The following CORO2A variants were observed in gnomAD, a reference collection of about 807,000 sequenced individuals.
The protein encoded by CORO2A is coronin 2A.
In CORO2A, 47 loss-of-function variants were observed where a neutral mutation model predicts 62.4. That is an observed-to-expected ratio of 0.75 (90% CI 0.60 to 0.96). CORO2A has a LOEUF of 0.96. Among genes scored for constraint, CORO2A ranks in the 40% least tolerant of loss-of-function variants. The probability of loss-of-function intolerance (pLI) is 0.00; values close to 1 mark genes in which losing one functional copy is unlikely to be tolerated. For synonymous variants in CORO2A, 273 were observed against 268.9 expected (o/e 1.02, Z -0.15); for missense variants, 610 against 684.1 (o/e 0.89, Z 1.21).
At position 98,131,054 on chromosome 9, in the gene CORO2A, G is replaced by A. The variant is rs1827399029; in HGVS notation, c.771C>T (p.Asn257=). The part of the protein sequence containing the change: ...NRQVALWDQD[N]LSVPLMEEDL... ...CCTCCTCCATCAGAGGCACAGAGAG[G>A]TTATCCTGCAGGGGAAGGGGAGGCA... The change falls in exon 7 of 12, where the codon AAC becomes AAT. Residue 257 remains asparagine, a synonymous_variant. Transcript: ENST00000375077. 1 of 1,611,238 alleles carries A rather than the reference G, an allele frequency of 6.2e-7. No homozygotes were observed. The highest frequency in any genetic ancestry group is 8.5e-7 in the Non-Finnish European group (1 of 1,178,596).
intron 1 of CORO2A, among the ~76,000 whole-genome samples, chr9:98,171,171 G>A (rs767191835): frequency 2.6e-5 from 4 of 152,176 alleles, no homozygotes; most frequent in African/African-American, 9.7e-5. Context: ...CCGCTTTCTG[G>A]CACAGAGCTT....
intron 2 of CORO2A, among the ~76,000 whole-genome samples, chr9:98,138,687 C>T (rs1827523170): frequency 6.6e-6 from 1 of 152,226 alleles, no homozygotes; most frequent in African/African-American, 2.4e-5. Context: ...GATGTGGTTT[C>T]ATTGCCTGAG....
Position 98,133,259 on chromosome 9 carries a change from G to A in CORO2A, c.469-42C>T, listed in dbSNP as rs200053037. 53 of 1,593,070 alleles carry A rather than the reference G, an allele frequency of 3.3e-5. No individual in the cohort carries two copies. In the East Asian group the frequency reaches 4.2e-4, roughly 13 times the overall value. On this transcript the variant is annotated intron_variant, in intron 4 of 11. Coordinates refer to ENST00000375077, the MANE Select transcript of CORO2A (RefSeq NM_052820.4). ...CAGCTCTGAGCACAGGGGCCACCTT[G>A]CCCCTGGGCCTCATAGTTACATGCT...
intron 7 of CORO2A, 104 bp from the exon 8 acceptor site, chr9:98,129,994 C>T (rs1248777061): frequency 1.4e-5 from 11 of 786,446 alleles, no homozygotes; most frequent in African/African-American, 3.4e-5. Context: ...TTTTGATGAT[C>T]GGCAAACCCA....
chr9:98,160,433 A>T (rs1827868180), intron 1 of CORO2A, among the ~76,000 whole-genome samples: 1 of 152,178 alleles, frequency 6.6e-6, no homozygotes. Flanking sequence ...CCAATTCAAC[A>T]AGGAAAAGAG....
At chr9:98,124,937 C>A in intron 11 of CORO2A, 32 bp from the exon 12 acceptor site, 1 of 1,551,376 alleles carries the variant, frequency 6.4e-7, no homozygotes, top group Non-Finnish European at 8.7e-7. Flanking sequence ...GCAGGATCAC[C>A]ATGGTGTCAG....
chr9:98,150,655 A>G (rs1365684519), intron 2 of CORO2A, among the ~76,000 whole-genome samples: 1 of 152,232 alleles, frequency 6.6e-6, no homozygotes, highest in Admixed American at 6.5e-5. Context: ...GCAAGTTAGA[A>G]ACAGTGACAG....
chr9:98,192,481 C>CCGGGGGGG (rs11281388), intron 1 of CORO2A, 78 bp downstream of exon 1: 148,711 of 152,224 alleles, frequency 0.98, 72,641 homozygotes, highest in East Asian at 1. Flanking sequence ...GGAGCTGCAG[C>CCGGGGGGG]CGCAGCGCGC....
intron 2 of CORO2A, among the ~76,000 whole-genome samples, chr9:98,139,246 T>C (rs903041606): frequency 4.6e-5 from 7 of 152,032 alleles, no homozygotes; most frequent in African/African-American, 1.7e-4. Flanking sequence ...CACAACCTTG[T>C]GAATATACTA....
At chr9:98,171,763 G>A (rs551981335) in intron 1 of CORO2A, among the ~76,000 whole-genome samples, 1 of 151,972 alleles carries the variant, frequency 6.6e-6, no homozygotes, top group African/African-American at 2.4e-5. Flanking sequence ...CAGCGCGGGG[G>A]TGGGGAGGCT....
chr9:98,126,945 G>A, intron 10 of CORO2A, 122 bp from the exon 11 acceptor site: 3 of 1,110,986 alleles, frequency 2.7e-6, no homozygotes, highest in Non-Finnish European at 3.9e-6. Flanking sequence ...TGCAACATGT[G>A]TGGGAAATAC....
chr9:98,192,273 T>G (rs961968787), intron 1 of CORO2A, among the ~76,000 whole-genome samples: 3 of 152,134 alleles, frequency 2.0e-5, no homozygotes, highest in South Asian at 4.1e-4. Context: ...ACAGTGCTCA[T>G]GAGGGCAGCG....
intron 2 of CORO2A, among the ~76,000 whole-genome samples, chr9:98,153,348 G>A (rs1309205104): frequency 2.6e-5 from 4 of 151,452 alleles, no homozygotes; most frequent in East Asian, 3.9e-4. Context: ...TGATCTGCCC[G>A]TCTGGGCCTG....
intron 1 of CORO2A, among the ~76,000 whole-genome samples, chr9:98,184,387 C>T (rs1455706997): frequency 6.6e-6 from 1 of 152,136 alleles, no homozygotes; most frequent in African/African-American, 2.4e-5. Flanking sequence ...AATTCTACCA[C>T]CTAGTGATAA....
At position 98,152,731 on chromosome 9, in the gene CORO2A, A is replaced by G. The variant is rs571011325; in HGVS notation, c.201+4729T>C. Reference sequence around the variant, plus strand: ...AAAATGATATACCACCACTCATGCAATATTCTTGCCAAAAATACATAAATG... The same window carrying G: ...AAAATGATATACCACCACTCATGCAGTATTCTTGCCAAAAATACATAAATG... On this transcript the variant is annotated intron_variant, in intron 2 of 11. Coordinates refer to ENST00000375077, the MANE Select transcript of CORO2A (RefSeq NM_052820.4). Among the ~76,000 whole-genome samples the G allele has an allele frequency of 5.3e-5, 8 of 152,320 alleles. No homozygotes were observed. In the South Asian group the frequency reaches 6.2e-4, roughly 12 times the overall value.
chr9:98,127,677 G>A (rs773388951), intron 10 of CORO2A, among the ~76,000 whole-genome samples: 34 of 152,020 alleles, frequency 2.2e-4, no homozygotes, highest in Non-Finnish European at 4.3e-4. Flanking sequence ...AGCTGGGCAT[G>A]GTGGCACGTG....
intron 1 of CORO2A, among the ~76,000 whole-genome samples, chr9:98,177,373 G>C (rs916059645): frequency 6.6e-6 from 1 of 151,688 alleles, no homozygotes; most frequent in Admixed American, 6.6e-5. Context: ...CTGGAGCAAC[G>C]CTTGATCACA....
At chr9:98,174,854 T>A (rs1828087920) in intron 1 of CORO2A, among the ~76,000 whole-genome samples, 1 of 152,172 alleles carries the variant, frequency 6.6e-6, no homozygotes, top group Non-Finnish European at 1.5e-5. Flanking sequence ...ATTATAGCAG[T>A]GTGAGAGTGG....
chr9:98,187,106 C>T (rs966677560), intron 1 of CORO2A, among the ~76,000 whole-genome samples: 3 of 151,804 alleles, frequency 2.0e-5, no homozygotes, highest in African/African-American at 4.8e-5. Flanking sequence ...TGTGAAACCC[C>T]GTCTCTACTG....
Sources: allele counts gnomAD v4.1 joint callset (sites outside exome capture counted in the v4.1 genomes callset), GRCh38; gene constraint gnomAD v4.1.1; transcripts MANE v1.5; gene names NCBI Gene and HGNC (gene_info 2026-07-23, HGNC 2026-07-21).